SMC2: variants seen among roughly 807,000 people sequenced by gnomAD.
The protein encoded by SMC2 is structural maintenance of chromosomes 2.
SMC2 carries 41 observed loss-of-function variants against 142.6 expected under a neutral mutation model. The observed-to-expected ratio is 0.29, with a 90% CI of 0.22 to 0.37. SMC2 has a LOEUF of 0.37. Ranked by LOEUF, SMC2 falls within the 10% of genes least tolerant of loss-of-function variation. The pLI is 1.00. For missense variants in SMC2, 1,265 were observed against 1,373.7 expected (o/e 0.92, Z 1.25); for synonymous variants, 463 against 457.5 (o/e 1.01, Z -0.15).
chr9:104,103,876 CTG>C (rs1487982623), intron 9 of SMC2, among the ~76,000 whole-genome samples: 1 of 151,818 alleles, frequency 6.6e-6, no homozygotes, highest in South Asian at 2.1e-4. Flanking sequence ...TTGTAGCAGT[CTG>C]TGTTGTGGCA....
intron 23 of SMC2, 50 bp from the exon 24 acceptor site, chr9:104,137,968 A>G (rs201928838): frequency 1.0e-5 from 14 of 1,406,554 alleles, no homozygotes; most frequent in African/African-American, 1.4e-5. Flanking sequence ...CAGTGTTTTG[A>G]TAAGTGATAA....
intron 3 of SMC2, among the ~76,000 whole-genome samples, chr9:104,097,828 G>C (rs976128406): frequency 6.6e-6 from 1 of 152,088 alleles, no homozygotes; most frequent in Non-Finnish European, 1.5e-5. Flanking sequence ...GAATGTACTG[G>C]GATGTACAGT....
rs1835866919 is a variant in SMC2 at position 104,139,287 on chromosome 9, C to T, written c.3566C>T (p.Pro1189Leu). Reference protein sequence around the residue: ...ISKEAKSKAKPPKGAHVEV With the variant: ...ISKEAKSKAKLPKGAHVEV Reference sequence around the variant, plus strand: ...AAGGAAGCAAAATCCAAGGCAAAACCACCCAAAGGAGCACATGTGGAAGTT... The same window carrying T: ...AAGGAAGCAAAATCCAAGGCAAAACTACCCAAAGGAGCACATGTGGAAGTT... Residue 1189 changes from proline (P) to leucine (L), a missense_variant, in exon 25 of 25, where the codon CCA (proline) becomes CTA (leucine). Pro to Leu is a moderately conservative substitution (Grantham distance 98). Around this residue, in one of 4 missense-constraint regions of SMC2, gnomAD observed 192 missense variants for 261.9 expected, o/e 0.73. Coordinates refer to ENST00000374793, the MANE Select transcript of SMC2 (RefSeq NM_006444.3). 6.3e-7 allele frequency: 1 copy of T among 1,594,952 alleles called. No homozygotes were observed. Among genetic ancestry groups the T allele is most frequent in the African/African-American group, 1.4e-5 (1 of 73,300 alleles).
At position 104,138,195 on chromosome 9, in the gene SMC2, T is replaced by C. The variant is rs764402630; in HGVS notation, c.3417+30T>C. 4.6e-6 allele frequency: 7 copies of C among 1,523,456 alleles called. No homozygotes were observed. The East Asian group carries it at 1.6e-4, about 35-fold the overall frequency. 94.4% of individuals were successfully genotyped at this position (1,523,456 alleles called of 1,614,324 possible). On this transcript the variant is annotated intron_variant, in intron 24 of 24. Coordinates refer to ENST00000374793, the MANE Select transcript of SMC2 (RefSeq NM_006444.3). Reference sequence around the variant, plus strand: ...GAACCAGGAAAAAAAGTCTCAGTAATAGTTTAATTAGACTATTTTTCTAAA... The same window carrying C: ...GAACCAGGAAAAAAAGTCTCAGTAACAGTTTAATTAGACTATTTTTCTAAA...
At chr9:104,093,518 G>A (rs531185351), upstream of SMC2, among the ~76,000 whole-genome samples, 1 of 152,246 alleles carries the variant, frequency 6.6e-6, no homozygotes, top group Admixed American at 6.5e-5. Context: ...ATTTTAAAAA[G>A]CCCCTTGCAA....
chr9:104,124,988 T>C lies in SMC2; in HGVS notation c.2334T>C (p.Asn778=). 1 of 1,602,916 alleles carries C rather than the reference T, an allele frequency of 6.2e-7. No individual in the cohort carries two copies. Among genetic ancestry groups the C allele is most frequent in the Non-Finnish European group, 8.5e-7 (1 of 1,177,218 alleles). ...KAEEKYEVLE[N]KMKNAEAERE... is the part of the protein sequence containing the mutation. ...AAGAAAAATATGAAGTATTGGAAAA[T>C]AAAATGAAAAATGCAGAAGCTGAAA... is the stretch of plus-strand genomic sequence containing the variant. Residue 778 remains asparagine (N), a synonymous_variant, in exon 18 of 25, where the codon AAT becomes AAC. Coordinates refer to ENST00000374793, the MANE Select transcript of SMC2 (RefSeq NM_006444.3).
chr9:104,103,526 G>T (rs1313924758), intron 9 of SMC2, among the ~76,000 whole-genome samples: 3 of 152,178 alleles, frequency 2.0e-5, no homozygotes, highest in Middle Eastern at 6.3e-3. Flanking sequence ...TTAAAATAGG[G>T]CCCCTTAGTA....
At chr9:104,132,425 T>A (rs1423985235) in intron 22 of SMC2, among the ~76,000 whole-genome samples, 5 of 152,192 alleles carry the variant, frequency 3.3e-5, no homozygotes, top group Admixed American at 2.6e-4. Flanking sequence ...ATGACAACTT[T>A]GGCAGATCTT....
At chr9:104,094,682 G>A (rs1382187046) in intron 1 of SMC2, 2 of 365,028 alleles carry the variant, frequency 5.5e-6, no homozygotes, top group African/African-American at 4.2e-5. Flanking sequence ...CTGGAGAAGC[G>A]AGGTAAAAGC....
intron 14 of SMC2, among the ~76,000 whole-genome samples, chr9:104,117,224 A>G (rs1758214462): frequency 6.6e-6 from 1 of 152,212 alleles, no homozygotes; most frequent in African/African-American, 2.4e-5. Context: ...TAATTCAGCC[A>G]TACATCGAGT....
chr9:104,099,662 T>C lies in SMC2; in HGVS notation c.460T>C (p.Leu154=). 6.4e-7 allele frequency: 1 copy of C among 1,570,026 alleles called. No individual in the cohort carries two copies. The highest frequency in any genetic ancestry group is 8.8e-7 in the Non-Finnish European group (1 of 1,140,780). ...LIMQGRITKV[L]NMKPPEILSM... The stretch of plus-strand genomic sequence containing the variant: ...TTTTCAGGGCCGAATTACAAAAGTA[T>C]TGAATATGAAACCTCCAGAGGTAAG... The change falls in exon 5 of 25, where the codon TTG becomes CTG. Residue 154 remains leucine (L), a synonymous_variant. Coordinates refer to ENST00000374793, the MANE Select transcript of SMC2 (RefSeq NM_006444.3).
intron 11 of SMC2, among the ~76,000 whole-genome samples, 166 bp downstream of exon 11, chr9:104,113,641 A>G (rs2131395272): frequency 6.6e-6 from 1 of 152,268 alleles, no homozygotes; most frequent in Non-Finnish European, 1.5e-5. Context: ...CTAATTATAA[A>G]ACAACTCTTG....
chr9:104,132,874 G>A (rs7864118), intron 22 of SMC2, among the ~76,000 whole-genome samples: 1 of 149,888 alleles, frequency 6.7e-6, no homozygotes, highest in Non-Finnish European at 1.5e-5. Flanking sequence ...ACCAGGATTC[G>A]TGGACTTAGT....
At chr9:104,101,588 G>A (rs769450677) in intron 7 of SMC2, among the ~76,000 whole-genome samples, 74 of 152,272 alleles carry the variant, frequency 4.9e-4, no homozygotes, top group Middle Eastern at 3.4e-3. Flanking sequence ...TGATGTAAGC[G>A]AGTGCTTGTA....
At chr9:104,129,959 C>A in intron 21 of SMC2, 114 bp downstream of exon 21, 1 of 743,578 alleles carries the variant, frequency 1.3e-6, no homozygotes, top group Non-Finnish European at 2.2e-6. Context: ...GTCCTTGATA[C>A]TTTTCTTTCT....
intron 20 of SMC2, among the ~76,000 whole-genome samples, chr9:104,129,240 C>T (rs528864681): frequency 8.0e-4 from 122 of 152,212 alleles, no homozygotes; most frequent in African/African-American, 2.6e-3. Flanking sequence ...CGGTGGCTCA[C>T]GCCTGTAATC....
rs1834338136 is a variant in SMC2, at chr9:104,126,752, G to A, written c.2563G>A (p.Glu855Lys). The A allele has an allele frequency of 6.2e-7, 1 of 1,609,836 alleles. No individual in the cohort carries two copies. Among genetic ancestry groups the A allele is most frequent in the East Asian group, 2.2e-5 (1 of 44,828 alleles). The change falls in exon 19 of 25, where the codon GAA becomes AAA. Residue 855 changes from glutamate to lysine, a missense_variant. Around this residue, in one of 4 missense-constraint regions of SMC2, gnomAD observed 898 missense variants for 904.2 expected, o/e 0.99. Coordinates refer to ENST00000374793, the MANE Select transcript of SMC2 (RefSeq NM_006444.3). ...EAIKSYESQIEVMAAEVAKNK... is the reference protein window; with the variant it reads ...EAIKSYESQIKVMAAEVAKNK... ...TATCAAATCCTATGAAAGTCAGATT[G>A]AAGTAATGGCAGCTGAGGTGGCTAA...
At chr9:104,137,959 AGT>A (rs755777098) in intron 23 of SMC2, 57 bp from the exon 24 acceptor site, 22 of 1,256,658 alleles carry the variant, frequency 1.8e-5, no homozygotes, top group Non-Finnish European at 2.4e-5. Context: ...TATTTGCTTC[AGT>A]GTTTTGATAA....
intron 1 of SMC2, 147 bp downstream of exon 1, chr9:104,094,624 G>T (rs957335142): frequency 1.0e-5 from 4 of 381,486 alleles, no homozygotes; most frequent in African/African-American, 6.3e-5. Context: ...AGAAATAAAG[G>T]CTAGCTTCTG....
Sources: gnomAD v4.1 joint callset for allele counts (sites outside exome capture counted in the v4.1 genomes callset) on GRCh38, gnomAD v4.1.1 for gene constraint, gnomAD v4.1.1 regional missense constraint, MANE v1.5 for transcripts, NCBI Gene and HGNC (gene_info 2026-07-23, HGNC 2026-07-21) for gene names.